The following NAALADL2 variants were observed in gnomAD, a reference collection of about 807,000 sequenced individuals.
The protein encoded by NAALADL2 is N-acetylated alpha-linked acidic dipeptidase like 2, also known as inactive N-acetylated-alpha-linked acidic dipeptidase-like protein 2.
In NAALADL2, 76 loss-of-function variants were observed where a neutral mutation model predicts 87.2. The ratio of observed to expected loss-of-function variants is 0.87; its 90% CI spans 0.72 to 1.05. The LOEUF is 1.05. NAALADL2 is among the 50% of genes least tolerant of loss of function. NAALADL2 has a pLI of 0.00. For missense variants in NAALADL2, 1,089 were observed against 945.8 expected (o/e 1.15, Z -1.99); for synonymous variants, 354 against 331.0 (o/e 1.07, Z -0.75).
At chr3:175,258,673 A>T (rs1281652032) in intron 4 of NAALADL2, among the ~76,000 whole-genome samples, 1 of 152,170 alleles carries the variant, frequency 6.6e-6, no homozygotes, top group Non-Finnish European at 1.5e-5. Flanking sequence ...GGAGAGATTT[A>T]TGATAAGTTC....
intron 13 of NAALADL2, chr3:175,774,833 A>G (rs1215503794): frequency 1.3e-5 from 2 of 152,084 alleles, no homozygotes; most frequent in Non-Finnish European, 2.9e-5. Context: ...TTTTATATTG[A>G]TTCATGTTGA....
chr3:174,680,333 G>A (rs1342946008), intron 2 of NAALADL2, among the ~76,000 whole-genome samples: 1 of 152,048 alleles, frequency 6.6e-6, no homozygotes, highest in Non-Finnish European at 1.5e-5. Context: ...TAATCTCATC[G>A]ATGTTGAGTG....
At chr3:175,069,582 A>G (rs2109136608) in intron 1 of NAALADL2, among the ~76,000 whole-genome samples, 1 of 150,788 alleles carries the variant, frequency 6.6e-6, no homozygotes, top group South Asian at 2.1e-4. Context: ...AACTAGTTCA[A>G]CCATTGTGGA....
Position 174,602,426 on chromosome 3 carries a change from A to G in NAALADL2, c.-115+51789A>G, listed in dbSNP as rs563560193. 7.9e-5 allele frequency among the ~76,000 whole-genome samples: 12 copies of G among 152,216 alleles called. No homozygotes were observed. In the East Asian group the frequency reaches 2.3e-3, roughly 29 times the overall value. ...CTTTTTCAGATTGTTGACTGTTGGC[A>G]TATAGAAATGCTACTGACTTTTGTA... On this transcript the variant is annotated intron_variant, in intron 2 of 3. Coordinates refer to the NAALADL2 transcript ENST00000434257.
intron 2 of NAALADL2, among the ~76,000 whole-genome samples, chr3:174,702,456 C>T (rs1311781385): frequency 6.6e-6 from 1 of 152,110 alleles, no homozygotes; most frequent in Non-Finnish European, 1.5e-5. Flanking sequence ...TGCTCTCAAT[C>T]AGCAGGTACA....
At position 175,372,820 on chromosome 3, in the gene NAALADL2, T is replaced by A. The variant is rs568709109; in HGVS notation, c.1090+48495T>A. On this transcript the variant is annotated intron_variant, in intron 5 of 13. Transcript: ENST00000454872. ...TTTAGGATGGCTGTAAGATCCCAAC[T>A]AAGTTTTCCCTTTCTCTGGCTAAAA... is the stretch of plus-strand genomic sequence containing the variant. 2.6e-5 allele frequency among the ~76,000 whole-genome samples: 4 copies of A among 152,350 alleles called. No homozygotes were observed. The South Asian group carries it at 8.3e-4, about 32-fold the overall frequency.
At chr3:174,839,862 C>T (rs1469094545) in intron 3 of NAALADL2, among the ~76,000 whole-genome samples, 5 of 151,554 alleles carry the variant, frequency 3.3e-5, no homozygotes, top group African/African-American at 1.2e-4. Flanking sequence ...TAGTTGTTCG[C>T]ATGGATGCGG....
chr3:175,735,338 CT>C (rs1428227928), intron 11 of NAALADL2, among the ~76,000 whole-genome samples: 1 of 152,162 alleles, frequency 6.6e-6, no homozygotes, highest in Non-Finnish European at 1.5e-5. Flanking sequence ...ATTTCCCTGT[CT>C]TTTTCTGAGC....
chr3:175,301,782 G>A (rs1175199163), intron 4 of NAALADL2, among the ~76,000 whole-genome samples: 2 of 152,184 alleles, frequency 1.3e-5, no homozygotes, highest in Non-Finnish European at 2.9e-5. Flanking sequence ...AGTAACAGTG[G>A]ATATTCATTG....
intron 1 of NAALADL2, among the ~76,000 whole-genome samples, chr3:174,480,961 A>G (rs1264573029): frequency 6.6e-6 from 1 of 152,134 alleles, no homozygotes; most frequent in Non-Finnish European, 1.5e-5. Context: ...AGGAGAGTCA[A>G]TATTGATCAT....
At chr3:174,464,816 A>G (rs1346100768) in intron 1 of NAALADL2, among the ~76,000 whole-genome samples, 1 of 151,962 alleles carries the variant, frequency 6.6e-6, no homozygotes, top group East Asian at 1.9e-4. Flanking sequence ...TCCTATTAGG[A>G]TTCACTCTTC....
chr3:175,616,790 G>T (rs953162225), intron 10 of NAALADL2, among the ~76,000 whole-genome samples: 3 of 152,140 alleles, frequency 2.0e-5, no homozygotes, highest in Non-Finnish European at 4.4e-5. Flanking sequence ...CTGTTGCAGG[G>T]TTTGAGGAGG....
In NAALADL2 at chr3:175,809,074, TTTAC is replaced by T. The variant is rs1336858511; in HGVS notation, c.*5875_*5878del. The T allele has an allele frequency of 3.9e-5, 6 of 151,928 alleles. No homozygotes were observed. Among genetic ancestry groups the T allele is most frequent in the Admixed American group, 6.6e-5 (1 of 15,202 alleles). 9.4% of individuals were successfully genotyped at this position (151,928 alleles called of 1,614,324 possible). On this transcript the variant is annotated 3_prime_UTR_variant, in exon 14 of 14. Coordinates refer to ENST00000454872, the MANE Select transcript of NAALADL2 (RefSeq NM_207015.3). ...GTTTTATTAATATTAAAAATTTTTG[TTTAC>T]TTATATATCAAGCTGCTGCAAATGG...
At chr3:174,757,988 G>T (rs1025485705) in intron 3 of NAALADL2, among the ~76,000 whole-genome samples, 2 of 152,178 alleles carry the variant, frequency 1.3e-5, no homozygotes, top group Non-Finnish European at 2.9e-5. Context: ...TCCAGAAATG[G>T]AAAGGCCTTT....
At chr3:175,799,304 T>C (rs573150193) in intron 13 of NAALADL2, among the ~76,000 whole-genome samples, 4 of 152,198 alleles carry the variant, frequency 2.6e-5, no homozygotes, top group Middle Eastern at 6.8e-3. Flanking sequence ...TAAAGCAGTA[T>C]AGGTTGTCTA....
At position 175,783,109 on chromosome 3, in the gene NAALADL2, C is replaced by A. The variant is rs1237081841; in HGVS notation, c.2190-19896C>A. ...TACCATGCTGTTTTGGTTACTGTAG[C>A]CTTGTAGTATAGTTTGAAGTCAGGT... On this transcript the variant is annotated intron_variant, in intron 13 of 13. Coordinates refer to ENST00000454872, the MANE Select transcript of NAALADL2 (RefSeq NM_207015.3). Among the ~76,000 whole-genome samples, 9 of 151,636 alleles carry A rather than the reference C, an allele frequency of 5.9e-5. No individual in the cohort carries two copies. The South Asian group carries it at 1.9e-3, about 32-fold the overall frequency.
At chr3:175,279,865 T>G (rs1429441294) in intron 4 of NAALADL2, among the ~76,000 whole-genome samples, 1 of 151,466 alleles carries the variant, frequency 6.6e-6, no homozygotes, top group African/African-American at 2.4e-5. Context: ...TGAAGAAAAA[T>G]ATATGGGTAT....
rs188223734 is a variant in NAALADL2, at chr3:175,266,607, T to C, written c.939+10077T>C. Among the ~76,000 whole-genome samples, 396 of 151,870 alleles carry C rather than the reference T, an allele frequency of 2.6e-3. 1 individual carries two copies. Among genetic ancestry groups the C allele is most frequent in the African/African-American group, 9.2e-3 (382 of 41,536 alleles). ...AGCTAGTGTGCTTGGGCTTCATAAG[T>C]AGATAAAATACTCCTATTAAACTCC... On this transcript the variant is annotated intron_variant, in intron 4 of 13. Coordinates refer to ENST00000454872, the MANE Select transcript of NAALADL2 (RefSeq NM_207015.3).
intron 1 of NAALADL2, among the ~76,000 whole-genome samples, chr3:175,066,947 A>G (rs573855455): frequency 6.6e-6 from 1 of 152,170 alleles, no homozygotes; most frequent in South Asian, 2.1e-4. Context: ...ATCTTTGTAA[A>G]TGTCAAGGCC....
Sources: gnomAD v4.1 joint callset for allele counts (sites outside exome capture counted in the v4.1 genomes callset) on GRCh38, gnomAD v4.1.1 for gene constraint, MANE v1.5 for transcripts, NCBI Gene and HGNC (gene_info 2026-07-23, HGNC 2026-07-21) for gene names.